DNAJC5: variants seen among roughly 807,000 people sequenced by gnomAD.
The protein encoded by DNAJC5 is dnaJ homolog subfamily C member 5.
In DNAJC5, 1 loss-of-function variant was observed where a neutral mutation model predicts 23.2. The observed-to-expected ratio is 0.04, with a 90% CI of 0.02 to 0.20. DNAJC5 has a LOEUF of 0.20. Among genes scored for constraint, DNAJC5 ranks in the 10% least tolerant of loss-of-function variants. The probability of loss-of-function intolerance (pLI) is 1.00; values close to 1 mark genes in which losing one functional copy is unlikely to be tolerated. For missense variants in DNAJC5, 180 were observed against 267.0 expected (o/e 0.67, Z 2.27); for synonymous variants, 136 against 120.0 (o/e 1.13, Z -0.87).
At chr20:63,913,997 T>G (rs1254846866) in intron 1 of DNAJC5, among the ~76,000 whole-genome samples, 1 of 152,146 alleles carries the variant, frequency 6.6e-6, no homozygotes, top group African/African-American at 2.4e-5. Context: ...AGGCAGTGTC[T>G]CTTGAGGCCA....
Position 63,931,895 on chromosome 20 carries a change from G to C in DNAJC5, c.*327G>C, listed in dbSNP as rs1393363161. 3 of 400,004 alleles carry C rather than the reference G, an allele frequency of 7.5e-6. No individual in the cohort carries two copies. Among genetic ancestry groups the C allele is most frequent in the African/African-American group, 2.1e-5 (1 of 48,574 alleles). The allele number at this position is 400,004 out of a possible 1,614,324, so 24.8% of individuals were successfully genotyped here. On this transcript the variant is annotated 3_prime_UTR_variant, in exon 5 of 5. Transcript: ENST00000360864. The surrounding 1 kb of genome is among the most constrained non-coding windows in gnomAD (Gnocchi z 9.6). ...GGAGCTGCCTCAGGGCTGTCGGTCA[G>C]GTTGGTCCAGTGAGGGGTGACTGCA... is the stretch of plus-strand genomic sequence containing the variant.
rs560652444 is a variant in DNAJC5 at position 63,918,656 on chromosome 20, C to T, written c.-11-9679C>T. Among the ~76,000 whole-genome samples the T allele has an allele frequency of 7.0e-4, 107 of 152,300 alleles. 7 individuals carry two copies. In the South Asian group the frequency reaches 0.021, roughly 30 times the overall value. Reference sequence around the variant, plus strand: ...TGTCACCCATGCTGGAGTGCAGTGGCGCGATCTCGGCTCACGGCAAGCTCT... The same window carrying T: ...TGTCACCCATGCTGGAGTGCAGTGGTGCGATCTCGGCTCACGGCAAGCTCT... On this transcript the variant is annotated intron_variant, in intron 1 of 4. Transcript: ENST00000360864.
chr20:63,929,618 C>T lies in DNAJC5; in HGVS notation c.321+93C>T, dbSNP rs1309990190. The T allele has an allele frequency of 7.4e-7, 1 of 1,349,438 alleles. No individual in the cohort carries two copies. Among genetic ancestry groups the T allele is most frequent in the Non-Finnish European group, 1.0e-6 (1 of 969,044 alleles). 83.6% of individuals were successfully genotyped at this position (1,349,438 alleles called of 1,614,324 possible). On this transcript the variant is annotated intron_variant, in intron 3 of 4. Coordinates refer to ENST00000360864, the MANE Select transcript of DNAJC5 (RefSeq NM_025219.3). This position sits in a 1 kb window ranked among gnomAD's most constrained non-coding sequence, Gnocchi z 8.6. ...CTGCCGTGCGGGCACCCGAGTCACT[C>T]CTGCCGTGCGGGCACCCGAGTCTCT... is the stretch of plus-strand genomic sequence containing the variant.
Position 63,921,125 on chromosome 20 carries a change from A to C in DNAJC5, c.-11-7210A>C, listed in dbSNP as rs1230201012. Among the ~76,000 whole-genome samples, 4 of 151,566 alleles carry C rather than the reference A, an allele frequency of 2.6e-5. No individual in the cohort carries two copies. The South Asian group carries it at 8.3e-4, about 32-fold the overall frequency. Reference sequence around the variant, plus strand: ...CAGGCATGTGCCATCACGCCCGGCTAATTTTGCATTTTTAGTAGAGATGGG... The same window carrying C: ...CAGGCATGTGCCATCACGCCCGGCTCATTTTGCATTTTTAGTAGAGATGGG... On this transcript the variant is annotated intron_variant, in intron 1 of 4. Coordinates refer to ENST00000360864, the MANE Select transcript of DNAJC5 (RefSeq NM_025219.3).
chr20:63,908,410 T>A (rs1239595269), intron 1 of DNAJC5, among the ~76,000 whole-genome samples: 1 of 152,168 alleles, frequency 6.6e-6, no homozygotes, highest in Non-Finnish European at 1.5e-5. Flanking sequence ...GCGGATCCAC[T>A]CTCTGTGTCT....
At chr20:63,924,569 A>C (rs1309250646) in intron 1 of DNAJC5, among the ~76,000 whole-genome samples, 2 of 152,124 alleles carry the variant, frequency 1.3e-5, no homozygotes, top group Non-Finnish European at 2.9e-5. Context: ...AACAAAAACA[A>C]AAAACCGGGC....
At chr20:63,900,089 A>G (rs2053402138) in intron 1 of DNAJC5, among the ~76,000 whole-genome samples, 1 of 148,826 alleles carries the variant, frequency 6.7e-6, no homozygotes, top group Non-Finnish European at 1.5e-5. Context: ...GGGTTTTGCC[A>G]TGTTGGCCAG....
rs938464734 is a variant in DNAJC5 at position 63,920,222 on chromosome 20, A to C, written c.-11-8113A>C. Among the ~76,000 whole-genome samples, 2 of 152,198 alleles carry C rather than the reference A, an allele frequency of 1.3e-5. No homozygotes were observed. Among genetic ancestry groups the C allele is most frequent in the African/African-American group, 4.8e-5 (2 of 41,454 alleles). ...AGCAGGCTCAGGGCTCTGGGGTCTG[A>C]GTGAGGGCTCTCCAGCCAGCAGGGA... On this transcript the variant is annotated intron_variant, in intron 1 of 4. Coordinates refer to ENST00000360864, the MANE Select transcript of DNAJC5 (RefSeq NM_025219.3). The surrounding 1 kb of genome is among the most constrained non-coding windows in gnomAD (Gnocchi z 4.6).
At chr20:63,895,697 A>C (rs887923172) in intron 1 of DNAJC5, among the ~76,000 whole-genome samples, 5 of 151,954 alleles carry the variant, frequency 3.3e-5, no homozygotes, top group Non-Finnish European at 7.4e-5. Context: ...GGGGGACTGG[A>C]GAAGCTGGGC....
intron 1 of DNAJC5, among the ~76,000 whole-genome samples, chr20:63,924,917 C>T (rs774285182): frequency 3.3e-5 from 5 of 152,240 alleles, no homozygotes; most frequent in South Asian, 2.1e-4. Context: ...GTACTGTGTT[C>T]GGCCATTCCC....
chr20:63,935,913 G>A lies in DNAJC5; in HGVS notation c.*4345G>A, dbSNP rs1568994072. The A allele has an allele frequency of 6.6e-6, 1 of 152,200 alleles. No individual in the cohort carries two copies. The highest frequency in any genetic ancestry group is 6.5e-5 in the Admixed American group (1 of 15,280). The allele number at this position is 152,200 out of a possible 1,614,324, so 9.4% of individuals were successfully genotyped here. On this transcript the variant is annotated 3_prime_UTR_variant, in exon 5 of 5. Transcript: ENST00000360864. ...GTCAGACTCCGGCTGATCCTGGCTC[G>A]AGCACACACATCTAAGGGCCAGGCT...
chr20:63,926,715 C>T (rs1568987733), intron 1 of DNAJC5, among the ~76,000 whole-genome samples: 2 of 152,172 alleles, frequency 1.3e-5, no homozygotes, highest in Admixed American at 6.5e-5. Flanking sequence ...ACTCCTCCTC[C>T]CACCCCTTTC....
Position 63,895,290 on chromosome 20 carries a change from C to CGGCGGGAG in DNAJC5, c.-38_-31dup, listed in dbSNP as rs1433412180. 4.8e-5 allele frequency: 7 copies of CGGCGGGAG among 147,244 alleles called. No individual in the cohort carries two copies. Among genetic ancestry groups the CGGCGGGAG allele is most frequent in the African/African-American group, 9.8e-5 (4 of 40,708 alleles). The allele number at this position is 147,244 out of a possible 1,614,324, so 9.1% of individuals were successfully genotyped here. A position where few individuals can be genotyped will look rare whatever the true frequency, so the allele number is the denominator to read the frequency against. On this transcript the variant is annotated 5_prime_UTR_variant, in exon 1 of 5. Coordinates refer to ENST00000360864, the MANE Select transcript of DNAJC5 (RefSeq NM_025219.3). ...GAATCGGGGAGCGGAGCCGCGGAGCCGGCGGGAGGGCGGGCGGGCGGGCGG... is the reference window on the plus strand; with the variant it reads ...GAATCGGGGAGCGGAGCCGCGGAGCCGGCGGGAGGGCGGGAGGGCGGGCGGGCGGGCGG...
intron 1 of DNAJC5, among the ~76,000 whole-genome samples, chr20:63,917,105 G>A (rs2053520099): frequency 6.6e-6 from 1 of 152,314 alleles, no homozygotes; most frequent in African/African-American, 2.4e-5. Context: ...AGTAAGACAG[G>A]CTTAAGAAAT....
chr20:63,923,498 G>A (rs919417900), intron 1 of DNAJC5, among the ~76,000 whole-genome samples: 15 of 152,136 alleles, frequency 9.9e-5, no homozygotes, highest in African/African-American at 3.6e-4. Context: ...CAGCACTTTG[G>A]GAGGCTGTAG....
intron 1 of DNAJC5, among the ~76,000 whole-genome samples, chr20:63,904,171 A>G (rs1217775339): frequency 1.3e-5 from 2 of 152,232 alleles, no homozygotes; most frequent in Non-Finnish European, 2.9e-5. Context: ...CAGGACAGCC[A>G]TGCAGGGTGG....
At chr20:63,910,246 C>T (rs951046679) in intron 1 of DNAJC5, among the ~76,000 whole-genome samples, 5 of 152,072 alleles carry the variant, frequency 3.3e-5, no homozygotes, top group Non-Finnish European at 7.3e-5. Flanking sequence ...TTTGCACCAT[C>T]GAAAGTGATG....
At position 63,930,880 on chromosome 20, in the gene DNAJC5, G is replaced by C. The variant is rs775067598; in HGVS notation, c.351G>C (p.Thr117=). ...TGTTTGTCTTCTGCGGCCTCCTCAC[G>C]TGCTGCTACTGCTGCTGCTGTCTGT... ...KALFVFCGLL[T]CCYCCCCLCC... is the part of the protein sequence containing the mutation. The change falls in exon 4 of 5, where the codon ACG becomes ACC. Residue 117 remains threonine (T), a synonymous_variant. Coordinates refer to ENST00000360864, the MANE Select transcript of DNAJC5 (RefSeq NM_025219.3). 4 of 1,613,626 alleles carry C rather than the reference G, an allele frequency of 2.5e-6. No homozygotes were observed. The highest frequency in any genetic ancestry group is 3.4e-6 in the Non-Finnish European group (4 of 1,179,982).
At chr20:63,910,300 T>C (rs1226754256) in intron 1 of DNAJC5, among the ~76,000 whole-genome samples, 1 of 151,832 alleles carries the variant, frequency 6.6e-6, no homozygotes, top group Non-Finnish European at 1.5e-5. Flanking sequence ...GTCCCAGCAC[T>C]TTGGGAGGCG....
Sources: gnomAD v4.1 joint callset for allele counts (sites outside exome capture counted in the v4.1 genomes callset) on GRCh38, gnomAD v4.1.1 for gene constraint, Gnocchi (gnomAD v3.1) non-coding constraint, MANE v1.5 for transcripts, NCBI Gene and HGNC (gene_info 2026-07-23, HGNC 2026-07-21) for gene names.